The following CEACAM4 variants were observed in gnomAD, a reference collection of about 807,000 sequenced individuals.
CEACAM4 encodes cell adhesion molecule CEACAM4.
A neutral mutation model predicts 28.7 loss-of-function variants in CEACAM4; 30 were observed. That is an observed-to-expected ratio of 1.05 (90% confidence interval 0.78 to 1.42). The LOEUF (loss-of-function observed/expected upper bound fraction) is 1.42, where lower values mean the gene tolerates loss of function less well. Ranked by LOEUF, CEACAM4 falls within the 40% of genes most tolerant of loss-of-function variation. The probability of loss-of-function intolerance (pLI) is 0.00; values close to 1 mark genes in which losing one functional copy is unlikely to be tolerated. For missense variants in CEACAM4, 330 were observed against 308.2 expected (o/e 1.07, Z -0.53); for synonymous variants, 143 against 126.5 (o/e 1.13, Z -0.87).
chr19:41,620,991 G>A (rs1429777464), intron 3 of CEACAM4, among the ~76,000 whole-genome samples: 2 of 152,056 alleles, frequency 1.3e-5, no homozygotes, highest in African/African-American at 4.8e-5. Context: ...GGACACTGGG[G>A]GAGCTGGGGG....
At position 41,621,638 on chromosome 19, in the gene CEACAM4, A is replaced by G. The variant is rs782259603; in HGVS notation, c.542+13T>C. ...CCTAGGGGTGGGAGGAGGCTGGGGAAAAGCTGCGGTACCTTCCAGTCCTGG... is the reference window on the plus strand; with the variant it reads ...CCTAGGGGTGGGAGGAGGCTGGGGAGAAGCTGCGGTACCTTCCAGTCCTGG... On this transcript the variant is annotated intron_variant, in intron 3 of 6. Coordinates refer to ENST00000221954, the MANE Select transcript of CEACAM4 (RefSeq NM_001817.4). 8.0e-6 allele frequency: 12 copies of G among 1,506,276 alleles called. No homozygotes were observed. The highest frequency in any genetic ancestry group is 1.1e-5 in the Non-Finnish European group (12 of 1,083,850). 93.3% of individuals were successfully genotyped at this position (1,506,276 alleles called of 1,614,324 possible).
At chr19:41,620,542 G>A in intron 4 of CEACAM4, 33 bp downstream of exon 4, 1 of 1,598,060 alleles carries the variant, frequency 6.3e-7, no homozygotes. Context: ...GCAGGCCTAG[G>A]GGCTCCCACA....
chr19:41,625,540 A>C (rs903031094), intron 2 of CEACAM4, 61 bp downstream of exon 2: 35 of 1,531,842 alleles, frequency 2.3e-5, no homozygotes, highest in Non-Finnish European at 3.0e-5. Flanking sequence ...AGGCCTGACA[A>C]TCTCATGTGT....
chr19:41,624,378 C>A (rs570177084), intron 2 of CEACAM4, among the ~76,000 whole-genome samples: 27 of 152,148 alleles, frequency 1.8e-4, no homozygotes, highest in Non-Finnish European at 3.5e-4. Flanking sequence ...TGGAATGATA[C>A]CCACACATCA....
At position 41,619,713 on chromosome 19, in the gene CEACAM4, T is replaced by G; in HGVS notation, c.628-2A>C. ...TGTTCTGGGGCTGGGTAGAGGGGCCTGGGCAGGGGAGAGAGGAGATGTCAG... is the reference window on the plus strand; with the variant it reads ...TGTTCTGGGGCTGGGTAGAGGGGCCGGGGCAGGGGAGAGAGGAGATGTCAG... On this transcript the variant is annotated splice_acceptor_variant, in intron 5 of 6. Transcript: ENST00000221954. LOFTEE classifies it high-confidence loss of function. The G allele has an allele frequency of 6.4e-7, 1 of 1,573,368 alleles. No homozygotes were observed. Among genetic ancestry groups the G allele is most frequent in the Non-Finnish European group, 8.6e-7 (1 of 1,158,198 alleles).
intron 3 of CEACAM4, among the ~76,000 whole-genome samples, chr19:41,620,862 C>T (rs906407228): frequency 2.0e-5 from 3 of 151,958 alleles, no homozygotes; most frequent in Non-Finnish European, 2.9e-5. Flanking sequence ...GTGAGGAGAA[C>T]ATTGACCCAG....
downstream of CEACAM4, among the ~76,000 whole-genome samples, chr19:41,617,270 G>A (rs782087781): frequency 3.9e-5 from 6 of 152,166 alleles, no homozygotes; most frequent in Non-Finnish European, 7.4e-5. Context: ...AGGTGGAGAG[G>A]TACTAGGGGC....
chr19:41,625,495 G>C, intron 2 of CEACAM4, 106 bp downstream of exon 2: 1 of 1,359,744 alleles, frequency 7.4e-7, no homozygotes, highest in Admixed American at 2.3e-5. Context: ...ATCTCAACAC[G>C]GGACAAAATG....
the CEACAM4 span, among the ~76,000 whole-genome samples, chr19:41,613,634 C>A: frequency 6.6e-6 from 1 of 151,956 alleles, no homozygotes; most frequent in East Asian, 1.9e-4. Context: ...AACAGATTGT[C>A]CTCAGGGAGT....
intron 5 of CEACAM4, 32 bp downstream of exon 5, chr19:41,620,179 G>A (rs1019397269): frequency 4.7e-6 from 7 of 1,494,576 alleles, no homozygotes; most frequent in Non-Finnish European, 6.2e-6. Flanking sequence ...TGGGACCCCA[G>A]TAGAAAAGGG....
At chr19:41,619,002 GA>G, downstream of CEACAM4, 1 of 344,886 alleles carries the variant, frequency 2.9e-6, no homozygotes. Context: ...CCCGTGAGCA[GA>G]AAAAGAGCCA....
intron 3 of CEACAM4, 65 bp downstream of exon 3, chr19:41,621,586 G>A: frequency 4.7e-6 from 4 of 850,236 alleles, no homozygotes; most frequent in African/African-American, 1.7e-5. Flanking sequence ...ACAGGGCGGG[G>A]TCTCCCTCCT....
chr19:41,624,495 T>G (rs1166824361), intron 2 of CEACAM4, among the ~76,000 whole-genome samples: 2 of 152,162 alleles, frequency 1.3e-5, no homozygotes, highest in Non-Finnish European at 1.5e-5. Context: ...GTGATTTAGT[T>G]AAGAAAAAAC....
chr19:41,619,448 C>T, intron 6 of CEACAM4, 53 bp from the exon 7 acceptor site: 2 of 1,604,114 alleles, frequency 1.2e-6, no homozygotes, highest in Admixed American at 1.7e-5. Flanking sequence ...AGAACAGTGT[C>T]TGGCATCTCC....
intron 1 of CEACAM4, 138 bp from the exon 2 acceptor site, chr19:41,626,098 G>A (rs1033360821): frequency 1.3e-4 from 82 of 612,834 alleles, no homozygotes; most frequent in Non-Finnish European, 1.8e-4. Context: ...GTGTGTGTGT[G>A]TGTGTGTGTG....
intron 2 of CEACAM4, among the ~76,000 whole-genome samples, chr19:41,622,718 T>G (rs553092376): frequency 6.6e-6 from 1 of 152,182 alleles, no homozygotes; most frequent in Non-Finnish European, 1.5e-5. Context: ...GAATACTAGT[T>G]GATAGCATCA....
chr19:41,621,904 C>A, intron 2 of CEACAM4, 136 bp from the exon 3 acceptor site: 2 of 627,152 alleles, frequency 3.2e-6, no homozygotes, highest in South Asian at 2.1e-5. Flanking sequence ...TTGGGCTGTC[C>A]TCATAGCTGA....
intron 2 of CEACAM4, among the ~76,000 whole-genome samples, chr19:41,624,171 G>A (rs1246176137): frequency 6.6e-6 from 1 of 152,020 alleles, no homozygotes; most frequent in Non-Finnish European, 1.5e-5. Context: ...TACAGAGTGT[G>A]TGTCTCACGT....
rs1429787555 is a variant in CEACAM4 at position 41,627,062 on chromosome 19, T to A, written c.-99A>T. 9.6e-7 allele frequency: 1 copy of A among 1,040,252 alleles called. No individual in the cohort carries two copies. The highest frequency in any genetic ancestry group is 1.7e-5 in the African/African-American group (1 of 60,328). The allele number at this position is 1,040,252 out of a possible 1,614,324, so 64.4% of individuals were successfully genotyped here. A position where few individuals can be genotyped will look rare whatever the true frequency, so the allele number is the denominator to read the frequency against. On this transcript the variant is annotated 5_prime_UTR_variant, in exon 1 of 7. In the 5' UTR this introduces an upstream ATG that the reference lacks. Transcript: ENST00000221954. ...CTGTCGGCTGTCGGGGCTGCTGACC[T>A]TCCTCCTTCTGTGCTGAGCCTCCTC...
Sources: allele counts gnomAD v4.1 joint callset (sites outside exome capture counted in the v4.1 genomes callset), GRCh38; gene constraint gnomAD v4.1.1; transcripts MANE v1.5; gene names NCBI Gene and HGNC (gene_info 2026-07-23, HGNC 2026-07-21).